The following EML5 variants were observed in gnomAD, a reference collection of about 807,000 sequenced individuals.
The protein encoded by EML5 is EMAP like 5.
A neutral mutation model predicts 250.0 loss-of-function variants in EML5; 120 were observed. The ratio of observed to expected loss-of-function variants is 0.48; its 90% CI spans 0.41 to 0.56. EML5 has a LOEUF of 0.56. Ranked by LOEUF, EML5 falls within the 20% of genes least tolerant of loss-of-function variation. EML5 has a pLI of 0.00. For missense variants in EML5, 2,006 were observed against 2,437.6 expected (o/e 0.82, Z 3.73); for synonymous variants, 771 against 806.5 (o/e 0.96, Z 0.75).
In EML5 at chr14:88,704,953, A is replaced by C; in HGVS notation, c.1958T>G (p.Leu653Arg). ...RQVYKEDLPQ[L>R]KEQCKEKQKS... ...TTGTTTCTCTTTGCACTGTTCTTTA[A>C]GCTGAGGTAGATCTTCTTTGTAAAC... The change falls in exon 13 of 44, where the codon CTT (leucine) becomes CGT (arginine). Residue 653 changes from leucine to arginine, a missense_variant. Coordinates refer to ENST00000554922, the MANE Select transcript of EML5 (RefSeq NM_183387.3). 6.2e-7 allele frequency: 1 copy of C among 1,612,344 alleles called. No homozygotes were observed. The highest frequency in any genetic ancestry group is 1.1e-5 in the South Asian group (1 of 90,920).
chr14:88,705,308 T>C (rs1253427234), intron 12 of EML5, among the ~76,000 whole-genome samples, 174 bp downstream of exon 12: 1 of 152,128 alleles, frequency 6.6e-6, no homozygotes, highest in Non-Finnish European at 1.5e-5. Context: ...AAGCATTTAA[T>C]ATAAAAAAAA....
chr14:88,618,584 A>G, intron 40 of EML5, 66 bp downstream of exon 40: 15 of 1,525,778 alleles, frequency 9.8e-6, no homozygotes, highest in Non-Finnish European at 1.3e-5. Flanking sequence ...CTTTAAATGC[A>G]TTCACTAACA....
intron 2 of EML5, among the ~76,000 whole-genome samples, chr14:88,753,906 A>G (rs1323326950): frequency 3.9e-5 from 6 of 152,058 alleles, no homozygotes; most frequent in African/African-American, 1.4e-4. Context: ...GAGGTCAACA[A>G]CACTGGAGGA....
intron 15 of EML5, 133 bp downstream of exon 15, chr14:88,696,714 C>T: frequency 1.9e-6 from 1 of 523,176 alleles, no homozygotes; most frequent in Non-Finnish European, 3.3e-6. Context: ...ATAAGGATAA[C>T]AGTATACACA....
At chr14:88,673,460 C>T (rs1168855960) in intron 21 of EML5, among the ~76,000 whole-genome samples, 1 of 152,198 alleles carries the variant, frequency 6.6e-6, no homozygotes, top group East Asian at 1.9e-4. Context: ...CCCTTGAAAA[C>T]CAGCACAAGA....
At chr14:88,725,236 T>C (rs558283806) in intron 8 of EML5, among the ~76,000 whole-genome samples, 2 of 152,130 alleles carry the variant, frequency 1.3e-5, no homozygotes, top group African/African-American at 2.4e-5. Flanking sequence ...AGGGTGGTGA[T>C]GGTTGCACAA....
intron 36 of EML5, 144 bp downstream of exon 36, chr14:88,624,826 A>G: frequency 2.2e-6 from 2 of 889,080 alleles, no homozygotes; most frequent in Non-Finnish European, 1.7e-6. Context: ...TAGAAGGCAC[A>G]TAAAAGGTAA....
chr14:88,652,678 ACTCC>A (rs1212459442), intron 27 of EML5, among the ~76,000 whole-genome samples: 2 of 148,582 alleles, frequency 1.3e-5, no homozygotes, highest in African/African-American at 5.0e-5. Flanking sequence ...CTCACCTCCC[ACTCC>A]CTCTGTTCCT....
At chr14:88,703,279 A>G (rs189036342) in intron 13 of EML5, among the ~76,000 whole-genome samples, 75 of 152,334 alleles carry the variant, frequency 4.9e-4, no homozygotes, top group African/African-American at 1.7e-3. Flanking sequence ...TATTTGTTGT[A>G]TAAGTATTTC....
intron 17 of EML5, 53 bp from the exon 18 acceptor site, chr14:88,688,526 T>C: frequency 6.4e-7 from 1 of 1,571,756 alleles, no homozygotes; most frequent in South Asian, 1.1e-5. Context: ...TACTCAATTA[T>C]AAAGAAGCAA....
chr14:88,620,934 T>TG lies in EML5; in HGVS notation c.5203-9_5203-8insC. The TG allele has an allele frequency of 7.3e-7, 1 of 1,372,042 alleles. No individual in the cohort carries two copies. The highest frequency in any genetic ancestry group is 9.5e-7 in the Non-Finnish European group (1 of 1,052,156). The allele number at this position is 1,372,042 out of a possible 1,614,324, so 85.0% of individuals were successfully genotyped here. ...CACTTTGTTTAACATCTTCTGCATT[T>TG]AAAAAAAAAAAAAAAAAGAGTCATA... On this transcript the variant is annotated splice_polypyrimidine_tract_variant and intron_variant, in intron 38 of 43. Transcript: ENST00000554922. This position sits in a 1 kb window ranked among gnomAD's most constrained non-coding sequence, Gnocchi z 4.3.
intron 1 of EML5, among the ~76,000 whole-genome samples, chr14:88,757,471 C>A (rs1285337319): frequency 6.6e-6 from 1 of 151,826 alleles, no homozygotes; most frequent in African/African-American, 2.4e-5. Context: ...ATAAAATGGA[C>A]TTAATCAAAA....
intron 7 of EML5, among the ~76,000 whole-genome samples, chr14:88,726,985 C>T (rs1417088903): frequency 6.6e-6 from 1 of 152,202 alleles, no homozygotes; most frequent in African/African-American, 2.4e-5. Flanking sequence ...CCTCTAGCCT[C>T]AGCCTCATGA....
intron 1 of EML5, among the ~76,000 whole-genome samples, chr14:88,767,100 C>A (rs1248658194): frequency 6.6e-6 from 1 of 152,108 alleles, no homozygotes; most frequent in African/African-American, 2.4e-5. Context: ...ACTCTGAATC[C>A]TCTTAAAATT....
At position 88,715,096 on chromosome 14, in the gene EML5, G is replaced by C. The variant is rs781386142; in HGVS notation, c.1287C>G (p.Asp429Glu). ...DGTYLAVGCN[D>E]SSVDIYGVAQ... ...CAACTCCATAAATATCAACCGAGCT[G>C]TCATTGCATCCAACAGCAAGGTAAG... The change falls in exon 9 of 44, where the codon GAC becomes GAG. Residue 429 changes from aspartate (D) to glutamate (E), a missense_variant. Transcript: ENST00000554922. 1.2e-6 allele frequency: 2 copies of C among 1,613,728 alleles called. No homozygotes were observed. The highest frequency in any genetic ancestry group is 1.1e-5 in the South Asian group (1 of 91,050).
At chr14:88,657,131 C>T (rs2091901795) in intron 27 of EML5, among the ~76,000 whole-genome samples, 1 of 152,058 alleles carries the variant, frequency 6.6e-6, no homozygotes, top group Admixed American at 6.6e-5. Flanking sequence ...GTAGCTGGGG[C>T]TACAAACACA....
intron 1 of EML5, among the ~76,000 whole-genome samples, chr14:88,784,841 G>A (rs1053541867): frequency 2.0e-5 from 3 of 152,072 alleles, no homozygotes; most frequent in Non-Finnish European, 4.4e-5. Flanking sequence ...CTACTGCAGG[G>A]CATATACCCA....
At chr14:88,760,878 T>A (rs1037745935) in intron 1 of EML5, among the ~76,000 whole-genome samples, 1 of 152,164 alleles carries the variant, frequency 6.6e-6, no homozygotes, top group Non-Finnish European at 1.5e-5. Flanking sequence ...TTGCATAGAT[T>A]TTGTAAAATT....
At position 88,664,526 on chromosome 14, in the gene EML5, T is replaced by C. The variant is rs1243731526; in HGVS notation, c.3376A>G (p.Ser1126Gly). ...KRVGICKGATSYITHIDWDIR... is the reference protein window; with the variant it reads ...KRVGICKGATGYITHIDWDIR... Reference sequence around the variant, plus strand: ...TCCCAATCAATATGGGTTATGTAACTGGTAGCTCCTTTGCATATTCCTACT... The same window carrying C: ...TCCCAATCAATATGGGTTATGTAACCGGTAGCTCCTTTGCATATTCCTACT... The change falls in exon 23 of 44, where the codon AGT becomes GGT. Residue 1126 changes from serine (S) to glycine (G), a missense_variant. Around this residue, in one of 7 missense-constraint regions of EML5, gnomAD observed 1,375 missense variants for 1,590.3 expected, o/e 0.86. Coordinates refer to ENST00000554922, the MANE Select transcript of EML5 (RefSeq NM_183387.3). 1.2e-6 allele frequency: 2 copies of C among 1,609,272 alleles called. No individual in the cohort carries two copies. Among genetic ancestry groups the C allele is most frequent in the Admixed American group, 1.7e-5 (1 of 59,372 alleles).
Sources: allele counts gnomAD v4.1 joint callset (sites outside exome capture counted in the v4.1 genomes callset), GRCh38; gene constraint gnomAD v4.1.1; regional missense constraint gnomAD v4.1.1; non-coding constraint Gnocchi (gnomAD v3.1); transcripts MANE v1.5; gene names NCBI Gene and HGNC (gene_info 2026-07-23, HGNC 2026-07-21).